SV2B: variants seen among roughly 807,000 people sequenced by gnomAD.
SV2B encodes the protein synaptic vesicle glycoprotein 2B.
A neutral mutation model predicts 73.9 loss-of-function variants in SV2B; 41 were observed. That is an observed-to-expected ratio of 0.56 (90% CI 0.43 to 0.72). SV2B has a LOEUF of 0.72. SV2B is among the 30% of genes least tolerant of loss of function. The pLI is 0.00. For missense variants in SV2B, 764 were observed against 857.8 expected (o/e 0.89, Z 1.37); for synonymous variants, 314 against 314.2 (o/e 1.00, Z 0.01).
chr15:91,203,505 G>A (rs753434982), intron 1 of SV2B, among the ~76,000 whole-genome samples: 1 of 152,226 alleles, frequency 6.6e-6, no homozygotes, highest in Non-Finnish European at 1.5e-5. Context: ...AACAGCTTAA[G>A]CCTTTGTGAT....
chr15:91,144,168 C>A (rs1036042767), intron 1 of SV2B, among the ~76,000 whole-genome samples: 1 of 152,204 alleles, frequency 6.6e-6, no homozygotes, highest in Non-Finnish European at 1.5e-5. Flanking sequence ...TGTTTATACA[C>A]CTGCAGGAAC....
intron 1 of SV2B, among the ~76,000 whole-genome samples, chr15:91,174,688 G>A (rs1460203157): frequency 6.6e-6 from 1 of 152,186 alleles, no homozygotes; most frequent in Non-Finnish European, 1.5e-5. Flanking sequence ...ATGGAATCTA[G>A]TGTAGTGATA....
At chr15:91,206,107 A>G (rs141580955) in intron 1 of SV2B, among the ~76,000 whole-genome samples, 1 of 151,442 alleles carries the variant, frequency 6.6e-6, no homozygotes, top group Non-Finnish European at 1.5e-5. Flanking sequence ...GTGCAATCCT[A>G]GCTCACTGCT....
At chr15:91,104,994 G>C (rs1180996713) in intron 1 of SV2B, among the ~76,000 whole-genome samples, 1 of 152,182 alleles carries the variant, frequency 6.6e-6, no homozygotes, top group Non-Finnish European at 1.5e-5. Flanking sequence ...CTGCTCGAAT[G>C]GGCAGAGCCT....
intron 1 of SV2B, among the ~76,000 whole-genome samples, chr15:91,157,460 A>G (rs753509608): frequency 2.0e-5 from 3 of 152,138 alleles, no homozygotes; most frequent in Non-Finnish European, 4.4e-5. Flanking sequence ...GCTGTAGGAT[A>G]ATTTTGGCCA....
intron 1 of SV2B, among the ~76,000 whole-genome samples, chr15:91,189,956 C>G (rs1371233507): frequency 6.6e-6 from 1 of 151,900 alleles, no homozygotes; most frequent in Non-Finnish European, 1.5e-5. Flanking sequence ...CCACTGCACT[C>G]CAGCCTGGGC....
chr15:91,151,473 A>G (rs1486181357), intron 1 of SV2B, among the ~76,000 whole-genome samples: 1 of 152,248 alleles, frequency 6.6e-6, no homozygotes, highest in Non-Finnish European at 1.5e-5. Flanking sequence ...GGACCAATCT[A>G]CAGCCCAAGA....
chr15:91,212,032 C>G (rs1320872651), intron 1 of SV2B, among the ~76,000 whole-genome samples: 2 of 152,188 alleles, frequency 1.3e-5, no homozygotes, highest in Non-Finnish European at 1.5e-5. Context: ...GAAATGCCCA[C>G]CAGGTTATAA....
At position 91,301,827 on chromosome 15, in the gene SV2B, C is replaced by T. The variant is rs1032847305; in HGVS notation, c.*9275C>T. On this transcript the variant is annotated 3_prime_UTR_variant, in exon 13 of 13. Transcript: ENST00000394232. This position sits in a 1 kb window ranked among gnomAD's most constrained non-coding sequence, Gnocchi z 4.3. ...ATCTAAAATACTCCAGTGAGCTTTTCCTTGGAGTACACGTTGGCGCTCAAA... is the reference window on the plus strand; with the variant it reads ...ATCTAAAATACTCCAGTGAGCTTTTTCTTGGAGTACACGTTGGCGCTCAAA... 6.6e-6 allele frequency among the ~76,000 whole-genome samples: 1 copy of T among 152,198 alleles called. No individual in the cohort carries two copies. Among genetic ancestry groups the T allele is most frequent in the African/African-American group, 2.4e-5 (1 of 41,448 alleles).
At position 91,281,509 on chromosome 15, in the gene SV2B, C is replaced by G. The variant is rs1324103046; in HGVS notation, c.1374-219C>G. 3.3e-5 allele frequency among the ~76,000 whole-genome samples: 5 copies of G among 152,194 alleles called. No homozygotes were observed. Among genetic ancestry groups the G allele is most frequent in the Admixed American group, 3.3e-4 (5 of 15,290 alleles). ...AACCAGCAGGTTGGTGCATAGCACT[C>G]CGTATGCACCTACGCTAGACACTGG... On this transcript the variant is annotated intron_variant, in intron 9 of 12. Transcript: ENST00000394232. The surrounding 1 kb of genome is among the most constrained non-coding windows in gnomAD (Gnocchi z 4.7).
rs2049164501 is a variant in SV2B at position 91,294,784 on chromosome 15, G to GT, written c.*2232_*2233insT. 1 of 152,066 alleles carries GT rather than the reference G, an allele frequency of 6.6e-6. No individual in the cohort carries two copies. Among genetic ancestry groups the GT allele is most frequent in the Non-Finnish European group, 1.5e-5 (1 of 68,012 alleles). 9.4% of individuals were successfully genotyped at this position (152,066 alleles called of 1,614,324 possible). ...TGCTGGGGTGGCTGCAATAATTTGGGGGCTAACTCCATTTGGTTTCCAAGA... is the reference window on the plus strand; with the variant it reads ...TGCTGGGGTGGCTGCAATAATTTGGGTGGCTAACTCCATTTGGTTTCCAAGA... On this transcript the variant is annotated 3_prime_UTR_variant, in exon 13 of 13. Coordinates refer to ENST00000394232, the MANE Select transcript of SV2B (RefSeq NM_001323032.3). The surrounding 1 kb of genome is among the most constrained non-coding windows in gnomAD (Gnocchi z 4.1).
chr15:91,164,221 A>C (rs1266017123), intron 1 of SV2B, among the ~76,000 whole-genome samples: 1 of 152,170 alleles, frequency 6.6e-6, no homozygotes, highest in African/African-American at 2.4e-5. Flanking sequence ...GCTACCAATG[A>C]CTTTCTTTGC....
In SV2B at chr15:91,220,238, C is replaced by G. The variant is rs1196936381; in HGVS notation, c.-391-5635C>G. 2.0e-5 allele frequency among the ~76,000 whole-genome samples: 3 copies of G among 152,198 alleles called. No homozygotes were observed. The highest frequency in any genetic ancestry group is 7.2e-5 in the African/African-American group (3 of 41,444). On this transcript the variant is annotated intron_variant, in intron 1 of 12. Coordinates refer to ENST00000394232, the MANE Select transcript of SV2B (RefSeq NM_001323032.3). The surrounding 1 kb of genome is among the most constrained non-coding windows in gnomAD (Gnocchi z 4.1). ...TGCCCACTGTCAGTTTCTGAGGGTT[C>G]CAGTTCATCACATTCTAGCCAACAC...
At chr15:91,248,745 G>C (rs1305063866) in intron 2 of SV2B, among the ~76,000 whole-genome samples, 1 of 152,202 alleles carries the variant, frequency 6.6e-6, no homozygotes. Flanking sequence ...CAGAATCTCA[G>C]GGCCCATCTC....
Position 91,289,234 on chromosome 15 carries a change from T to G in SV2B, c.1709-287T>G, listed in dbSNP as rs1046911101. On this transcript the variant is annotated intron_variant, in intron 11 of 12. Transcript: ENST00000394232. The surrounding 1 kb of genome is among the most constrained non-coding windows in gnomAD (Gnocchi z 4.9). ...TAGATTCTCAACAAATGCCCCTATCTGCCCCGTCCCGTCACTCTGAGCTGG... is the reference window on the plus strand; with the variant it reads ...TAGATTCTCAACAAATGCCCCTATCGGCCCCGTCCCGTCACTCTGAGCTGG... 2.0e-5 allele frequency among the ~76,000 whole-genome samples: 3 copies of G among 152,222 alleles called. No homozygotes were observed. Among genetic ancestry groups the G allele is most frequent in the Non-Finnish European group, 4.4e-5 (3 of 68,044 alleles).
rs2046632519 is a variant in SV2B, at chr15:91,232,847, CT to C, written c.451+6134del. ...CCCAGATAGTGAGCAAAGAACCTAACTGTTTTTCAGTCCTTTCGCCTCTCCA... is the reference window on the plus strand; with the variant it reads ...CCCAGATAGTGAGCAAAGAACCTAACGTTTTTCAGTCCTTTCGCCTCTCCA... On this transcript the variant is annotated intron_variant, in intron 2 of 12. Coordinates refer to ENST00000394232, the MANE Select transcript of SV2B (RefSeq NM_001323032.3). The surrounding 1 kb of genome is among the most constrained non-coding windows in gnomAD (Gnocchi z 4.7). Among the ~76,000 whole-genome samples the C allele has an allele frequency of 6.6e-6, 1 of 152,148 alleles. No individual in the cohort carries two copies. Among genetic ancestry groups the C allele is most frequent in the Non-Finnish European group, 1.5e-5 (1 of 68,018 alleles).
chr15:91,252,330 A>G lies in SV2B; in HGVS notation c.633-39A>G. 1.3e-6 allele frequency: 2 copies of G among 1,575,122 alleles called. No homozygotes were observed. Among genetic ancestry groups the G allele is most frequent in the Admixed American group, 1.8e-5 (1 of 56,524 alleles). ...TTTCTGCTGTGACCATTTTTAGTGTATGACTTGATTCTTTCTCTCTGGCAT... is the reference window on the plus strand; with the variant it reads ...TTTCTGCTGTGACCATTTTTAGTGTGTGACTTGATTCTTTCTCTCTGGCAT... On this transcript the variant is annotated intron_variant, in intron 3 of 12. Transcript: ENST00000394232. This position sits in a 1 kb window ranked among gnomAD's most constrained non-coding sequence, Gnocchi z 4.6.
At chr15:91,256,470 A>G (rs913185422) in intron 4 of SV2B, among the ~76,000 whole-genome samples, 1 of 152,196 alleles carries the variant, frequency 6.6e-6, no homozygotes, top group Non-Finnish European at 1.5e-5. Context: ...CTGGTTATCC[A>G]TCTGAGTTTG....
In SV2B at chr15:91,251,705, A is replaced by G. The variant is rs1596693991; in HGVS notation, c.452-114A>G. On this transcript the variant is annotated intron_variant, in intron 2 of 12. Transcript: ENST00000394232. ...TATCACATTCCACCATTTTGTGTCT[A>G]TGACACAGAAATTCTAGGATAAATA... 8 of 1,219,154 alleles carry G rather than the reference A, an allele frequency of 6.6e-6. No individual in the cohort carries two copies. In the African/African-American group the frequency reaches 9.2e-5, roughly 14 times the overall value. The allele number at this position is 1,219,154 out of a possible 1,614,324, so 75.5% of individuals were successfully genotyped here.
Sources: allele counts gnomAD v4.1 joint callset (sites outside exome capture counted in the v4.1 genomes callset), GRCh38; gene constraint gnomAD v4.1.1; non-coding constraint Gnocchi (gnomAD v3.1); transcripts MANE v1.5; gene names NCBI Gene and HGNC (gene_info 2026-07-23, HGNC 2026-07-21).